CCDC197: variants seen among roughly 807,000 people sequenced by gnomAD.
CCDC197 encodes the protein coiled-coil domain containing 197, also known as uncharacterized protein CCDC197.
Under a neutral mutation model 13.4 loss-of-function variants are expected in CCDC197, and 24 were observed. That is an observed-to-expected ratio of 1.80 (90% CI 1.30 to 2.53). CCDC197 has a LOEUF of 2.53. CCDC197 is among the 30% of genes most tolerant of loss of function. The probability of loss-of-function intolerance (pLI) is 0.00; values close to 1 mark genes in which losing one functional copy is unlikely to be tolerated. For missense variants in CCDC197, 255 were observed against 148.8 expected, an observed-to-expected ratio of 1.71 and a Z score of -3.71; for synonymous variants, 99 against 55.5, an observed-to-expected ratio of 1.78 and a Z score of -3.48.
At chr14:93,998,764 C>T (rs996028539) in intron 2 of CCDC197, among the ~76,000 whole-genome samples, 1 of 152,268 alleles carries the variant, frequency 6.6e-6, no homozygotes, top group African/African-American at 2.4e-5. Flanking sequence ...ACTGTCACGG[C>T]TCACAGGGCC....
At chr14:93,999,329 TC>T in intron 2 of CCDC197, 2 of 459,476 alleles carry the variant, frequency 4.4e-6, no homozygotes, top group Non-Finnish European at 7.7e-6. Flanking sequence ...GCCTTCATTC[TC>T]CCCCAGATAC....
At position 93,997,520 on chromosome 14, in the gene CCDC197, C is replaced by T. The variant is rs999898564; in HGVS notation, c.-185C>T. On this transcript the variant is annotated 5_prime_UTR_variant, in exon 1 of 7. Transcript: ENST00000636493. ...ACTTGTAACTAGACCATTTTCCCAG[C>T]TTGACCATGAGCTTCTTCAAGGCAT... The T allele has an allele frequency of 3.3e-5, 5 of 152,574 alleles. No homozygotes were observed. Among genetic ancestry groups the T allele is most frequent in the African/African-American group, 1.2e-4 (5 of 41,390 alleles). The allele number at this position is 152,574 out of a possible 1,614,324, so 9.5% of individuals were successfully genotyped here. A position where few individuals can be genotyped will look rare whatever the true frequency, so the allele number is the denominator to read the frequency against.
intron 4 of CCDC197, among the ~76,000 whole-genome samples, chr14:94,002,948 A>G (rs1456944467): frequency 6.6e-6 from 1 of 151,958 alleles, no homozygotes; most frequent in East Asian, 1.9e-4. Context: ...GTGGAAGGTG[A>G]AGGAGGAGCA....
intron 6 of CCDC197, 75 bp from the exon 7 acceptor site, chr14:94,008,534 T>C (rs1890747531): frequency 1.5e-6 from 1 of 673,308 alleles, no homozygotes; most frequent in East Asian, 2.7e-5. Flanking sequence ...CAGCCTTTGA[T>C]GATGCTTTGG....
intron 2 of CCDC197, 46 bp from the exon 3 acceptor site, chr14:93,999,537 G>A (rs374412502): frequency 1.3e-5 from 10 of 778,962 alleles, no homozygotes; most frequent in South Asian, 2.7e-5. Context: ...GGGGTCCTGC[G>A]TGACCTGGGA....
chr14:93,991,643 G>T (rs1890212793), intron 1 of CCDC197, among the ~76,000 whole-genome samples: 1 of 152,220 alleles, frequency 6.6e-6, no homozygotes, highest in Admixed American at 6.5e-5. Context: ...AGTGGGGAGG[G>T]AGAAAATCCA....
upstream of CCDC197, among the ~76,000 whole-genome samples, chr14:93,992,757 C>G (rs558782302): frequency 2.6e-4 from 40 of 152,358 alleles, no homozygotes; most frequent in African/African-American, 9.6e-4. Flanking sequence ...GACAGCCTTA[C>G]AGTGTCCTAG....
intron 2 of CCDC197, 47 bp downstream of exon 2, chr14:93,998,282 C>G (rs756062766): frequency 1.3e-6 from 1 of 756,710 alleles, no homozygotes; most frequent in South Asian, 1.4e-5. Flanking sequence ...CAGTGCTTCC[C>G]CAGTGGGCTA....
At chr14:94,009,372 T>C (rs1317684193), downstream of CCDC197, among the ~76,000 whole-genome samples, 4 of 152,162 alleles carry the variant, frequency 2.6e-5, no homozygotes, top group African/African-American at 7.2e-5. Context: ...AAATGGTTGG[T>C]ACTCTCAGGG....
At position 94,003,234 on chromosome 14, in the gene CCDC197, C is replaced by T. The variant is rs1191285085; in HGVS notation, c.378C>T (p.Ile126=). The T allele has an allele frequency of 1.3e-6, 1 of 780,648 alleles. No individual in the cohort carries two copies. The highest frequency in any genetic ancestry group is 1.7e-5 in the African/African-American group (1 of 59,244). The allele number at this position is 780,648 out of a possible 1,614,324, so 48.4% of individuals were successfully genotyped here. Residue 126 remains isoleucine, a synonymous_variant, in exon 5 of 7, where the codon ATC becomes ATT. Coordinates refer to ENST00000636493, the MANE Select transcript of CCDC197 (RefSeq NM_001351596.2). The surrounding 1 kb of genome is among the most constrained non-coding windows in gnomAD (Gnocchi z 5.0). ...TCCCTCTGCCCCAGAGCCTCAAGAT[C>T]CGGCTGTGTCAGCTGCAGAAGAAGT... ...DHRALMLSLK[I]RLCQLQKKCY... is the part of the protein sequence containing the mutation.
intron 1 of CCDC197, 21 bp downstream of exon 1, chr14:93,997,592 GA>G (rs1313108648): frequency 6.4e-6 from 1 of 155,638 alleles, no homozygotes; most frequent in African/African-American, 2.4e-5. Context: ...TATGAGCTCA[GA>G]GCATGTAATG....
At chr14:93,994,300 A>C (rs1367404316), upstream of CCDC197, among the ~76,000 whole-genome samples, 1 of 152,208 alleles carries the variant, frequency 6.6e-6, no homozygotes, top group African/African-American at 2.4e-5. Context: ...ACTGAGCCCC[A>C]CAAACTGTGT....
chr14:93,993,322 G>A (rs1890239069), upstream of CCDC197, among the ~76,000 whole-genome samples: 1 of 152,316 alleles, frequency 6.6e-6, no homozygotes, highest in Admixed American at 6.5e-5. Flanking sequence ...GCTTTTCCCT[G>A]CCCCTAAGAC....
chr14:94,007,927 C>T (rs181550620), intron 6 of CCDC197, among the ~76,000 whole-genome samples: 1 of 152,314 alleles, frequency 6.6e-6, no homozygotes, highest in East Asian at 1.9e-4. Context: ...CAGGCAGTAC[C>T]GAGGCTGCTG....
Position 93,989,902 on chromosome 14 carries a change from C to T in CCDC197, c.-107+2506C>T, listed in dbSNP as rs188474146. Among the ~76,000 whole-genome samples the T allele has an allele frequency of 2.2e-3, 338 of 152,282 alleles. 4 individuals are homozygous for T. The highest frequency in any genetic ancestry group is 7.7e-3 in the African/African-American group (318 of 41,538). On this transcript the variant is annotated intron_variant, in intron 1 of 7. Coordinates refer to the CCDC197 transcript ENST00000640978. ...TTGGCAGTGTTCAGTTCCTTGCAGC[C>T]GCAGGCCTGAGATCCCTGTTTCCTT...
chr14:93,990,977 C>T (rs1890200677), intron 1 of CCDC197, among the ~76,000 whole-genome samples: 1 of 152,160 alleles, frequency 6.6e-6, no homozygotes. Flanking sequence ...GAGGGACTTG[C>T]CCAAGGCCAG....
At chr14:94,011,154 G>C (rs530457171), downstream of CCDC197, among the ~76,000 whole-genome samples, 17 of 152,264 alleles carry the variant, frequency 1.1e-4, no homozygotes, top group South Asian at 3.5e-3. Flanking sequence ...GGGCTGGACC[G>C]GGCATTCCAG....
chr14:94,003,335 A>G lies in CCDC197; in HGVS notation c.479A>G (p.His160Arg). ...CAGAAGGACATTGACTTTGACACAC[A>G]CACCAGCAGCAGCTATAATGTGAGT... ...TYQKDIDFDT[H>R]TSSSYNDQLL... Residue 160 changes from histidine (H) to arginine (R), a missense_variant, in exon 5 of 7, where the codon CAC (histidine) becomes CGC (arginine). His to Arg is a conservative substitution (Grantham distance 29, BLOSUM62 0). Transcript: ENST00000636493. The surrounding 1 kb of genome is among the most constrained non-coding windows in gnomAD (Gnocchi z 5.0). The G allele has an allele frequency of 1.3e-6, 1 of 743,134 alleles. No individual in the cohort carries two copies. Among genetic ancestry groups the G allele is most frequent in the East Asian group, 2.6e-5 (1 of 38,542 alleles). The allele number at this position is 743,134 out of a possible 1,614,324, so 46.0% of individuals were successfully genotyped here.
In CCDC197 at chr14:94,001,254, C is replaced by G; in HGVS notation, c.297C>G (p.Phe99Leu). Residue 99 changes from phenylalanine (F) to leucine (L), a missense_variant, in exon 4 of 7, where the codon TTC (phenylalanine) becomes TTG (leucine). Coordinates refer to ENST00000636493, the MANE Select transcript of CCDC197 (RefSeq NM_001351596.2). Reference protein sequence around the residue: ...SQDTQKRLEAFCQMIQAVHRS... With the variant: ...SQDTQKRLEALCQMIQAVHRS... Reference sequence around the variant, plus strand: ...ACACGCAGAAGCGCCTCGAGGCCTTCTGCCAGATGATCCAGGCTGTCCACC... The same window carrying G: ...ACACGCAGAAGCGCCTCGAGGCCTTGTGCCAGATGATCCAGGCTGTCCACC... 1 of 780,924 alleles carries G rather than the reference C, an allele frequency of 1.3e-6. No homozygotes were observed. The allele number at this position is 780,924 out of a possible 1,614,324, so 48.4% of individuals were successfully genotyped here.
Sources: gnomAD v4.1 joint callset for allele counts (sites outside exome capture counted in the v4.1 genomes callset) on GRCh38, gnomAD v4.1.1 for gene constraint, Gnocchi (gnomAD v3.1) non-coding constraint, MANE v1.5 for transcripts, NCBI Gene and HGNC (gene_info 2026-07-23, HGNC 2026-07-21) for gene names.